Variants in CREBRF observed in about 807,000 individuals in gnomAD.
CREBRF encodes UPF0474 protein C5orf41.
A neutral mutation model predicts 66.1 loss-of-function variants in CREBRF; 5 were observed. That is an observed-to-expected ratio of 0.08 (90% CI 0.04 to 0.16). The LOEUF (loss-of-function observed/expected upper bound fraction) is 0.16. CREBRF is among the 10% of genes least tolerant of loss of function. The probability of loss-of-function intolerance (pLI) is 1.00; values close to 1 mark genes in which losing one functional copy is unlikely to be tolerated. For missense variants in CREBRF, 531 were observed against 744.9 expected, an observed-to-expected ratio of 0.71 and a Z score of 3.34; for synonymous variants, 229 against 264.4, an observed-to-expected ratio of 0.87 and a Z score of 1.30.
At chr5:173,063,127 G>A (rs576541340) in intron 1 of CREBRF, among the ~76,000 whole-genome samples, 3 of 152,156 alleles carry the variant, frequency 2.0e-5, no homozygotes, top group East Asian at 1.9e-4. Flanking sequence ...CGCAGGGTGC[G>A]GCAGTAGTAT....
chr5:173,091,017 G>A lies in CREBRF; in HGVS notation c.838G>A (p.Glu280Lys), dbSNP rs1349326891. ...VAKRQEKKGM[E>K]PLQGHATPAL... The stretch of plus-strand genomic sequence containing the variant: ...AAAGAGACAAGAGAAAAAAGGGATG[G>A]AGCCTCTTCAAGGTCATGCCACTCC... Residue 280 changes from glutamate (E) to lysine (K), a missense_variant, in exon 4 of 9, where the codon GAG (glutamate) becomes AAG (lysine). By Grantham distance (56) the Glu-to-Lys change is moderately conservative. Around this residue, in one of 5 missense-constraint regions of CREBRF, gnomAD observed 309 missense variants for 341.4 expected, o/e 0.90. Coordinates refer to ENST00000296953, the MANE Select transcript of CREBRF (RefSeq NM_153607.3). The A allele has an allele frequency of 1.2e-6, 2 of 1,614,180 alleles. No individual in the cohort carries two copies. The highest frequency in any genetic ancestry group is 1.7e-6 in the Non-Finnish European group (2 of 1,180,032).
intron 8 of CREBRF, among the ~76,000 whole-genome samples, chr5:173,128,764 C>CATTTT (rs372526991): frequency 7.9e-5 from 12 of 151,918 alleles, no homozygotes; most frequent in South Asian, 2.1e-4. Context: ...CCTTCTGAAT[C>CATTTT]ATTTTATTTT....
intron 7 of CREBRF, among the ~76,000 whole-genome samples, chr5:173,119,188 A>G (rs1463963523): frequency 1.3e-5 from 2 of 152,204 alleles, no homozygotes; most frequent in Non-Finnish European, 2.9e-5. Flanking sequence ...TAGATTTTCA[A>G]ATTACTTTAT....
rs749446492 is a variant in CREBRF at position 173,110,672 on chromosome 5, G to A, written c.1568G>A (p.Arg523Gln). Residue 523 changes from arginine to glutamine, a missense_variant, in exon 6 of 9, where the codon CGA (arginine) becomes CAA (glutamine). Physicochemically the swap from Arg to Gln is conservative, Grantham distance 43. Transcript: ENST00000296953. Reference protein sequence around the residue: ...TPVSELPLTARPRSRKEKNKL... With the variant: ...TPVSELPLTAQPRSRKEKNKL... Reference sequence around the variant, plus strand: ...GTCAGTGAGCTTCCCTTAACAGCCCGACCAAGGTCAAGGAAGGAAAAAAAT... The same window carrying A: ...GTCAGTGAGCTTCCCTTAACAGCCCAACCAAGGTCAAGGAAGGAAAAAAAT... The A allele has an allele frequency of 1.2e-6, 2 of 1,612,602 alleles. No homozygotes were observed. Among genetic ancestry groups the A allele is most frequent in the Admixed American group, 1.7e-5 (1 of 59,596 alleles).
intron 8 of CREBRF, among the ~76,000 whole-genome samples, chr5:173,131,908 T>C (rs779523938): frequency 2.5e-4 from 38 of 150,698 alleles, no homozygotes; most frequent in Non-Finnish European, 4.7e-4. Flanking sequence ...AATTTTTGTA[T>C]TTTTAGTAAA....
At chr5:173,101,257 A>G (rs1334637644) in intron 4 of CREBRF, among the ~76,000 whole-genome samples, 1 of 151,010 alleles carries the variant, frequency 6.6e-6, no homozygotes, top group Non-Finnish European at 1.5e-5. Flanking sequence ...GGGTTTTACC[A>G]TGTTACCCAG....
At chr5:173,086,094 T>G (rs1758136296) in intron 2 of CREBRF, 1 of 825,018 alleles carries the variant, frequency 1.2e-6, no homozygotes, top group South Asian at 1.3e-5. Context: ...TGTGACTGCA[T>G]AGTTGTCAAA....
chr5:173,087,283 A>G (rs557308541), intron 3 of CREBRF, among the ~76,000 whole-genome samples: 3 of 152,092 alleles, frequency 2.0e-5, no homozygotes, highest in Admixed American at 1.3e-4. Flanking sequence ...GGGTTTCACC[A>G]TGTCAGCCAG....
At chr5:173,075,031 G>A (rs1408808718) in intron 1 of CREBRF, among the ~76,000 whole-genome samples, 1 of 152,134 alleles carries the variant, frequency 6.6e-6, no homozygotes, top group Non-Finnish European at 1.5e-5. Context: ...ATTCTTACAA[G>A]GTCATTATAA....
chr5:173,064,300 T>A (rs912562729), intron 1 of CREBRF, among the ~76,000 whole-genome samples: 3 of 152,186 alleles, frequency 2.0e-5, no homozygotes, highest in Non-Finnish European at 4.4e-5. Context: ...GGTGTACTTT[T>A]GAAAAGATTC....
At position 173,080,649 on chromosome 5, in the gene CREBRF, TG is replaced by T; in HGVS notation, c.-123del. 1.1e-6 allele frequency: 1 copy of T among 894,608 alleles called. No homozygotes were observed. Among genetic ancestry groups the T allele is most frequent in the Non-Finnish European group, 1.8e-6 (1 of 558,268 alleles). The allele number at this position is 894,608 out of a possible 1,614,324, so 55.4% of individuals were successfully genotyped here. ...CCAAGCAATTGAATTGGAAGCACTCTGGGGAAACCTGCTGTTTATTGTGGAA... is the reference window on the plus strand; with the variant it reads ...CCAAGCAATTGAATTGGAAGCACTCTGGGAAACCTGCTGTTTATTGTGGAA... On this transcript the variant is annotated 5_prime_UTR_variant, in exon 2 of 9. Coordinates refer to ENST00000296953, the MANE Select transcript of CREBRF (RefSeq NM_153607.3).
rs577092748 is a variant in CREBRF at position 173,127,459 on chromosome 5, T to C, written c.1804+4257T>C. ...GAGCCTAGCTGAGTTTCTTTTTCTT[T>C]TCTTTTTTTTTTTTTTTTGAGATGG... On this transcript the variant is annotated intron_variant, in intron 8 of 8. Coordinates refer to ENST00000296953, the MANE Select transcript of CREBRF (RefSeq NM_153607.3). Among the ~76,000 whole-genome samples, 8 of 130,114 alleles carry C rather than the reference T, an allele frequency of 6.1e-5. No homozygotes were observed. The South Asian group carries it at 1.9e-3, about 31-fold the overall frequency. The allele number at this position is 130,114 out of a possible 152,430, so 85.4% of individuals were successfully genotyped here.
At chr5:173,123,056 C>G in intron 7 of CREBRF, 24 bp from the exon 8 acceptor site, 1 of 1,555,974 alleles carries the variant, frequency 6.4e-7, no homozygotes, top group Non-Finnish European at 8.6e-7. Context: ...TGACATATTC[C>G]AAGTGTTTTG....
At chr5:173,113,550 C>T (rs775055036) in intron 7 of CREBRF, among the ~76,000 whole-genome samples, 3 of 151,358 alleles carry the variant, frequency 2.0e-5, no homozygotes, top group South Asian at 2.1e-4. Flanking sequence ...TCAGGTGATC[C>T]ACCTGCCTAG....
rs369747785 is a variant in CREBRF at position 173,058,687 on chromosome 5, A to G, written c.-192+2208A>G. Among the ~76,000 whole-genome samples, 526 of 148,252 alleles carry G rather than the reference A, an allele frequency of 3.5e-3. 2 individuals are homozygous for G. The highest frequency in any genetic ancestry group is 0.012 in the African/African-American group (481 of 39,980). On this transcript the variant is annotated intron_variant, in intron 1 of 8. Transcript: ENST00000296953. The stretch of plus-strand genomic sequence containing the variant: ...TTTTTAGTAGAGACGGGGTTTCACC[A>G]TGTTAGCCAGGACGGTCTCGATCTC...
intron 8 of CREBRF, among the ~76,000 whole-genome samples, chr5:173,130,924 C>T (rs1759409599): frequency 6.6e-6 from 1 of 152,164 alleles, no homozygotes; most frequent in Admixed American, 6.5e-5. Flanking sequence ...CCAGGCTGGT[C>T]TCAAACTCCT....
At chr5:173,123,055 C>A (rs1759179510) in intron 7 of CREBRF, 25 bp from the exon 8 acceptor site, 6 of 1,560,820 alleles carry the variant, frequency 3.8e-6, no homozygotes, top group Admixed American at 2.2e-5. Flanking sequence ...GTGACATATT[C>A]CAAGTGTTTT....
chr5:173,092,301 A>G, intron 4 of CREBRF: 2 of 982,622 alleles, frequency 2.0e-6, no homozygotes, highest in Non-Finnish European at 2.4e-6. Context: ...TATTTAAGAA[A>G]AATACATGCT....
At chr5:173,117,224 C>G (rs1309810539) in intron 7 of CREBRF, among the ~76,000 whole-genome samples, 1 of 151,584 alleles carries the variant, frequency 6.6e-6, no homozygotes, top group Non-Finnish European at 1.5e-5. Flanking sequence ...ACTAAAAATA[C>G]AAAAAATTAG....
Sources: gnomAD v4.1 joint callset for allele counts (sites outside exome capture counted in the v4.1 genomes callset) on GRCh38, gnomAD v4.1.1 for gene constraint, gnomAD v4.1.1 regional missense constraint, MANE v1.5 for transcripts, NCBI Gene and HGNC (gene_info 2026-07-23, HGNC 2026-07-21) for gene names.